Variants in FLVCR1 observed in about 807,000 individuals in gnomAD.
FLVCR1 encodes the protein FLVCR choline and heme transporter 1, also known as choline/ethanolamine transporter FLVCR1.
In FLVCR1, 34 loss-of-function variants were observed where a neutral mutation model predicts 53.6. The observed-to-expected ratio is 0.63, with a 90% CI of 0.48 to 0.84. The LOEUF (loss-of-function observed/expected upper bound fraction) is 0.84, where lower values mean the gene tolerates loss of function less well. Among genes scored for constraint, FLVCR1 ranks in the 40% least tolerant of loss-of-function variants. The pLI is 0.00. For synonymous variants in FLVCR1, 300 were observed against 286.3 expected (o/e 1.05, Z -0.48); for missense variants, 677 against 696.7 (o/e 0.97, Z 0.32).
intron 3 of FLVCR1, among the ~76,000 whole-genome samples, chr1:212,880,991 C>CT (rs1664912482): frequency 6.6e-6 from 1 of 152,108 alleles, no homozygotes; most frequent in Non-Finnish European, 1.5e-5. Flanking sequence ...GGAATGTCAC[C>CT]TTTGCTTATA....
At chr1:212,893,073 G>GA (rs1665236448) in intron 8 of FLVCR1, among the ~76,000 whole-genome samples, 1 of 72,496 alleles carries the variant, frequency 1.4e-5, no homozygotes, top group African/African-American at 3.2e-5. Context: ...TTTGGGGGGG[G>GA]GTGCCGGAAT....
At chr1:212,870,423 A>G (rs1258867101) in intron 2 of FLVCR1, among the ~76,000 whole-genome samples, 1 of 152,180 alleles carries the variant, frequency 6.6e-6, no homozygotes, top group Admixed American at 6.5e-5. Context: ...CTGGTTTTCA[A>G]AAGCATTTGG....
chr1:212,869,138 C>T (rs1664528672), intron 2 of FLVCR1, among the ~76,000 whole-genome samples: 1 of 152,210 alleles, frequency 6.6e-6, no homozygotes, highest in Admixed American at 6.5e-5. Context: ...ACGTATTCAT[C>T]ACAGGAGGAA....
chr1:212,859,917 C>T (rs1422599440), intron 1 of FLVCR1, among the ~76,000 whole-genome samples: 2 of 152,142 alleles, frequency 1.3e-5, no homozygotes, highest in African/African-American at 4.8e-5. Context: ...TTGTGAACAG[C>T]TCCCTTTTAA....
At chr1:212,879,139 T>G (rs1032657166) in intron 3 of FLVCR1, among the ~76,000 whole-genome samples, 3 of 152,208 alleles carry the variant, frequency 2.0e-5, no homozygotes, top group Non-Finnish European at 4.4e-5. Flanking sequence ...AAATGCCAGT[T>G]GTAGATTTGG....
intron 2 of FLVCR1, among the ~76,000 whole-genome samples, chr1:212,866,905 A>T (rs1186063900): frequency 2.6e-5 from 4 of 152,236 alleles, no homozygotes; most frequent in Non-Finnish European, 5.9e-5. Context: ...TTAAGTTGAA[A>T]ATTGTGACAT....
chr1:212,867,635 G>C (rs1664474918), intron 2 of FLVCR1, among the ~76,000 whole-genome samples: 2 of 152,080 alleles, frequency 1.3e-5, no homozygotes, highest in South Asian at 4.1e-4. Context: ...TTTAAAAGCT[G>C]TTCTTGTGCA....
At chr1:212,871,006 A>G (rs1039956262) in intron 2 of FLVCR1, among the ~76,000 whole-genome samples, 4 of 152,034 alleles carry the variant, frequency 2.6e-5, no homozygotes, top group African/African-American at 7.2e-5. Flanking sequence ...CTGACCTCAC[A>G]TGATCCACCT....
In FLVCR1 at chr1:212,859,013, T is replaced by A. The variant is rs757381190; in HGVS notation, c.561T>A (p.Gly187=). Residue 187 remains glycine (G), a synonymous_variant, in exon 1 of 10, where the codon GGT becomes GGA. Transcript: ENST00000366971. ...ALLGSGLNCL[G]AWIKCGSVQQ... ...TGGGCTCCGGCCTCAACTGCCTGGGTGCCTGGATCAAGTGCGGCAGTGTGC... is the reference window on the plus strand; with the variant it reads ...TGGGCTCCGGCCTCAACTGCCTGGGAGCCTGGATCAAGTGCGGCAGTGTGC... The A allele has an allele frequency of 1.2e-6, 2 of 1,612,480 alleles. No individual in the cohort carries two copies. The highest frequency in any genetic ancestry group is 2.2e-5 in the South Asian group (2 of 91,050).
At chr1:212,893,079 G>A (rs1240731469) in intron 8 of FLVCR1, among the ~76,000 whole-genome samples, 3 of 142,380 alleles carry the variant, frequency 2.1e-5, no homozygotes, top group African/African-American at 2.6e-5. Context: ...GGGGGGTGCC[G>A]GAATGTTGCT....
At chr1:212,865,376 G>A (rs909730453) in intron 2 of FLVCR1, among the ~76,000 whole-genome samples, 2 of 150,812 alleles carry the variant, frequency 1.3e-5, no homozygotes, top group Non-Finnish European at 2.9e-5. Flanking sequence ...GAGAGCATGC[G>A]GTAAAAACAC....
chr1:212,892,926 A>G (rs761747741), intron 8 of FLVCR1, among the ~76,000 whole-genome samples: 7 of 152,190 alleles, frequency 4.6e-5, no homozygotes, highest in African/African-American at 7.2e-5. Context: ...GAGGTGTTCA[A>G]GACTTCAGTG....
chr1:212,885,098 G>T (rs1471780646), intron 4 of FLVCR1, among the ~76,000 whole-genome samples, 195 bp from the exon 5 acceptor site: 2 of 151,706 alleles, frequency 1.3e-5, no homozygotes, highest in African/African-American at 2.4e-5. Context: ...CTTTTTTTCT[G>T]GTTTTAAAAT....
Position 212,895,955 on chromosome 1 carries a change from C to T in FLVCR1, c.*665C>T, listed in dbSNP as rs1226910181. On this transcript the variant is annotated 3_prime_UTR_variant, in exon 10 of 10. Coordinates refer to ENST00000366971, the MANE Select transcript of FLVCR1 (RefSeq NM_014053.4). ...AACTATTCTGTGTACAGATTCTACCCAGACTTTGGTCTTAGAATTATGTTC... is the reference window on the plus strand; with the variant it reads ...AACTATTCTGTGTACAGATTCTACCTAGACTTTGGTCTTAGAATTATGTTC... 6.6e-6 allele frequency: 1 copy of T among 152,492 alleles called. No homozygotes were observed. The highest frequency in any genetic ancestry group is 1.5e-5 in the Non-Finnish European group (1 of 68,270). 9.4% of individuals were successfully genotyped at this position (152,492 alleles called of 1,614,324 possible). A position where few individuals can be genotyped will look rare whatever the true frequency, so the allele number is the denominator to read the frequency against.
chr1:212,886,151 C>T (rs1385686931), intron 5 of FLVCR1, among the ~76,000 whole-genome samples: 1 of 149,692 alleles, frequency 6.7e-6, no homozygotes, highest in African/African-American at 2.5e-5. Context: ...AAGTGATTCT[C>T]CCACCTCAGC....
At chr1:212,885,517 C>CACT in intron 5 of FLVCR1, 121 bp downstream of exon 5, 1 of 673,594 alleles carries the variant, frequency 1.5e-6, no homozygotes, top group Non-Finnish European at 2.7e-6. Context: ...GGATTCTAAA[C>CACT]ACTAGTAGGT....
Position 212,858,320 on chromosome 1 carries a change from G to A in FLVCR1, c.-133G>A. Reference sequence around the variant, plus strand: ...GGTAGCGCGGATTGCGGTTCGCGGCGCGCGCCACCGGGGAAGGAGCGGTGG... The same window carrying A: ...GGTAGCGCGGATTGCGGTTCGCGGCACGCGCCACCGGGGAAGGAGCGGTGG... On this transcript the variant is annotated 5_prime_UTR_variant, in exon 1 of 10. Transcript: ENST00000366971. 1 of 915,906 alleles carries A rather than the reference G, an allele frequency of 1.1e-6. No homozygotes were observed. Among genetic ancestry groups the A allele is most frequent in the Non-Finnish European group, 1.6e-6 (1 of 642,770 alleles). The allele number at this position is 915,906 out of a possible 1,614,324, so 56.7% of individuals were successfully genotyped here.
intron 8 of FLVCR1, among the ~76,000 whole-genome samples, chr1:212,892,629 A>G (rs1013160263): frequency 2.0e-5 from 3 of 152,338 alleles, no homozygotes; most frequent in Middle Eastern, 3.4e-3. Flanking sequence ...GAGGAGATCA[A>G]TGTTGCTTTC....
chr1:212,860,994 C>T (rs1273523178), intron 1 of FLVCR1, among the ~76,000 whole-genome samples: 2 of 152,214 alleles, frequency 1.3e-5, no homozygotes, highest in East Asian at 3.8e-4. Context: ...TGTCTTCCCT[C>T]TGTTCTCGCA....
Sources: allele counts gnomAD v4.1 joint callset (sites outside exome capture counted in the v4.1 genomes callset), GRCh38; gene constraint gnomAD v4.1.1; transcripts MANE v1.5; gene names NCBI Gene and HGNC (gene_info 2026-07-23, HGNC 2026-07-21).